DMRT1: variants seen among roughly 807,000 people sequenced by gnomAD.
The protein encoded by DMRT1 is doublesex and mab-3 related transcription factor 1.
DMRT1 carries 7 observed loss-of-function variants against 32.3 expected under a neutral mutation model. That is an observed-to-expected ratio of 0.22 (90% confidence interval 0.12 to 0.41). DMRT1 has a LOEUF of 0.41. DMRT1 is among the 10% of genes least tolerant of loss of function. DMRT1 has a pLI of 1.00. For missense variants in DMRT1, 625 were observed against 500.5 expected, an observed-to-expected ratio of 1.25 and a Z score of -2.37; for synonymous variants, 278 against 206.1, an observed-to-expected ratio of 1.35 and a Z score of -2.99.
chr9:916,866 C>T lies in DMRT1; in HGVS notation c.926C>T (p.Thr309Ile), dbSNP rs1323151831. Residue 309 changes from threonine to isoleucine, a missense_variant, in exon 4 of 5, where the codon ACT becomes ATT. Physicochemically the swap from Thr to Ile is moderately conservative, Grantham distance 89 (BLOSUM62 -1). This residue lies in a region of DMRT1 where 416 missense variants were observed against 321.6 expected (regional missense o/e 1.29). Transcript: ENST00000382276. ...GGCCAGAGCGTGCCCCAGTTCTTCACTTTTGAGGATGCTCCCTCTTACCCG... is the reference window on the plus strand; with the variant it reads ...GGCCAGAGCGTGCCCCAGTTCTTCATTTTTGAGGATGCTCCCTCTTACCCG... ...YLGQSVPQFF[T>I]FEDAPSYPEA... is the part of the protein sequence containing the mutation. 1 of 1,614,074 alleles carries T rather than the reference C, an allele frequency of 6.2e-7. No homozygotes were observed. The highest frequency in any genetic ancestry group is 8.5e-7 in the Non-Finnish European group (1 of 1,180,036).
intron 3 of DMRT1, among the ~76,000 whole-genome samples, chr9:904,943 A>AG (rs1817715377): frequency 2.0e-4 from 1 of 5,066 alleles, no homozygotes; most frequent in Admixed American, 3.9e-3. Flanking sequence ...ACTCCGTCTC[A>AG]AAAAAAAAAA....
At chr9:868,240 G>C (rs1009314433) in intron 2 of DMRT1, among the ~76,000 whole-genome samples, 5 of 152,134 alleles carry the variant, frequency 3.3e-5, no homozygotes, top group Non-Finnish European at 7.4e-5. Flanking sequence ...CTGCCTCCCA[G>C]AGTGCTGGGA....
At chr9:925,554 C>G (rs1267955512) in intron 4 of DMRT1, among the ~76,000 whole-genome samples, 2 of 152,222 alleles carry the variant, frequency 1.3e-5, no homozygotes, top group Non-Finnish European at 2.9e-5. Context: ...AGCCTTGTTG[C>G]TAGTGTTTAA....
chr9:927,409 A>G (rs1017537833), intron 4 of DMRT1, among the ~76,000 whole-genome samples: 9 of 152,190 alleles, frequency 5.9e-5, no homozygotes, highest in African/African-American at 2.2e-4. Flanking sequence ...ACTGCTTTGA[A>G]GCTCGTCAGC....
At chr9:964,551 T>C (rs1046587255) in intron 4 of DMRT1, among the ~76,000 whole-genome samples, 4 of 152,154 alleles carry the variant, frequency 2.6e-5, no homozygotes, top group Admixed American at 2.6e-4. Context: ...GCAGAAATAA[T>C]TTCTTCTATT....
In DMRT1 at chr9:871,688, A is replaced by C. The variant is rs111545580; in HGVS notation, c.539-22224A>C. Among the ~76,000 whole-genome samples the C allele has an allele frequency of 7.8e-3, 1,129 of 145,442 alleles. 18 individuals are homozygous for C. Among genetic ancestry groups the C allele is most frequent in the African/African-American group, 0.028 (1,031 of 36,698 alleles). On this transcript the variant is annotated intron_variant, in intron 2 of 4. Coordinates refer to ENST00000382276, the MANE Select transcript of DMRT1 (RefSeq NM_021951.3). ...ACGGGGTTTCACCGTGTTAGCCAGG[A>C]TGGTCTCAATCTCCTGACCTCGTGA...
rs577358757 is a variant in DMRT1 at position 961,537 on chromosome 9, T to C, written c.968-6448T>C. On this transcript the variant is annotated intron_variant, in intron 4 of 4. Transcript: ENST00000382276. ...AAGTATGTTCACAGACATTCTGGTG[T>C]TTGATTTGATGCCAGCCATCTTCTC... 5.9e-5 allele frequency among the ~76,000 whole-genome samples: 9 copies of C among 152,316 alleles called. No homozygotes were observed. In the South Asian group the frequency reaches 1.9e-3, roughly 32 times the overall value.
chr9:928,846 T>TTATTTA (rs1554758030), intron 4 of DMRT1, among the ~76,000 whole-genome samples: 1 of 150,984 alleles, frequency 6.6e-6, no homozygotes, highest in African/African-American at 2.4e-5. Context: ...ATTTATTTAT[T>TTATTTA]TTTATTTATT....
rs776015867 is a variant in DMRT1, at chr9:878,710, A to G, written c.539-15202A>G. Among the ~76,000 whole-genome samples the G allele has an allele frequency of 3.3e-5, 5 of 152,144 alleles. 1 individual carries two copies. The highest frequency in any genetic ancestry group is 1.2e-4 in the African/African-American group (5 of 41,430). ...AGTTATTTGGTGGCTCTCTTGCTTG[A>G]TGGCAGAAAACGTTATGGCCGTGTT... is the stretch of plus-strand genomic sequence containing the variant. On this transcript the variant is annotated intron_variant, in intron 2 of 4. Transcript: ENST00000382276.
chr9:880,991 A>C (rs2132629312), intron 2 of DMRT1, among the ~76,000 whole-genome samples: 1 of 152,274 alleles, frequency 6.6e-6, no homozygotes, highest in East Asian at 1.9e-4. Context: ...CTTGACATCA[A>C]AGCACCAAGC....
intron 2 of DMRT1, among the ~76,000 whole-genome samples, chr9:865,859 T>A (rs2132593598): frequency 6.6e-6 from 1 of 152,268 alleles, no homozygotes; most frequent in East Asian, 1.9e-4. Context: ...TAGCCATCTG[T>A]CATCCTTTCA....
chr9:910,128 T>C (rs1817922103), intron 3 of DMRT1, among the ~76,000 whole-genome samples: 1 of 152,128 alleles, frequency 6.6e-6, no homozygotes, highest in Non-Finnish European at 1.5e-5. Flanking sequence ...ACTTAGAGCC[T>C]CCAGTGAAGC....
At chr9:911,485 T>TG (rs1564245180) in intron 3 of DMRT1, among the ~76,000 whole-genome samples, 14 of 77,286 alleles carry the variant, frequency 1.8e-4, no homozygotes, top group African/African-American at 9.6e-4. Flanking sequence ...TTTTTTTTTT[T>TG]TTTTTTTTTT....
chr9:938,456 G>C (rs1818957181), intron 4 of DMRT1, among the ~76,000 whole-genome samples: 1 of 152,060 alleles, frequency 6.6e-6, no homozygotes, highest in African/African-American at 2.4e-5. Flanking sequence ...CTTTCTTTAA[G>C]CATTTTTAAT....
At chr9:846,747 C>T (rs751145039) in intron 1 of DMRT1, among the ~76,000 whole-genome samples, 18 of 152,166 alleles carry the variant, frequency 1.2e-4, no homozygotes, top group Non-Finnish European at 2.4e-4. Flanking sequence ...TGTCTGGCAA[C>T]AAGCATTTTT....
chr9:842,469 C>T, intron 1 of DMRT1: 1 of 442,460 alleles, frequency 2.3e-6, no homozygotes, highest in Non-Finnish European at 4.0e-6. Flanking sequence ...CTCCTGACCT[C>T]AGGTGATCCA....
At chr9:867,868 C>G (rs1291542698) in intron 2 of DMRT1, among the ~76,000 whole-genome samples, 1 of 152,202 alleles carries the variant, frequency 6.6e-6, no homozygotes, top group African/African-American at 2.4e-5. Flanking sequence ...TCTGTAAGTG[C>G]TGTGTTATTA....
intron 4 of DMRT1, among the ~76,000 whole-genome samples, chr9:922,691 T>C (rs1214324409): frequency 6.6e-6 from 1 of 152,250 alleles, no homozygotes; most frequent in Non-Finnish European, 1.5e-5. Context: ...TGGTGCCTTA[T>C]TTCTTTTGGT....
intron 3 of DMRT1, among the ~76,000 whole-genome samples, chr9:897,038 C>G (rs140840424): frequency 6.6e-6 from 1 of 151,694 alleles, no homozygotes; most frequent in East Asian, 1.9e-4. Flanking sequence ...CAATTTTAAT[C>G]CCCTGAGCTA....
Sources: gnomAD v4.1 joint callset for allele counts (sites outside exome capture counted in the v4.1 genomes callset) on GRCh38, gnomAD v4.1.1 for gene constraint, gnomAD v4.1.1 regional missense constraint, MANE v1.5 for transcripts, NCBI Gene and HGNC (gene_info 2026-07-23, HGNC 2026-07-21) for gene names.